The following SMARCA2 variants were observed in gnomAD, a reference collection of about 807,000 sequenced individuals.
SMARCA2 encodes SWI/SNF related BAF chromatin remodeling complex subunit ATPase 2.
SMARCA2 carries 61 observed loss-of-function variants against 199.8 expected under a neutral mutation model. That is an observed-to-expected ratio of 0.31 (90% CI 0.25 to 0.38). The LOEUF (loss-of-function observed/expected upper bound fraction) is 0.38, where lower values mean the gene tolerates loss of function less well. Ranked by LOEUF, SMARCA2 falls within the 10% of genes least tolerant of loss-of-function variation. SMARCA2 has a pLI of 1.00. For missense variants in SMARCA2, 1,344 were observed against 2,012.2 expected (o/e 0.67, Z 6.35); for synonymous variants, 935 against 732.0 (o/e 1.28, Z -4.48).
chr9:2,185,695 G>A (rs1827389591), intron 31 of SMARCA2, among the ~76,000 whole-genome samples: 1 of 152,194 alleles, frequency 6.6e-6, no homozygotes, highest in Admixed American at 6.5e-5. Context: ...GATAAACTCA[G>A]TAATAAGGAA....
intron 28 of SMARCA2, among the ~76,000 whole-genome samples, chr9:2,164,488 C>G (rs1196046747): frequency 6.6e-6 from 1 of 152,166 alleles, no homozygotes; most frequent in African/African-American, 2.4e-5. Context: ...GCGCCTGCCT[C>G]TAGAGTCCTT....
chr9:2,062,723 G>C lies in SMARCA2; in HGVS notation c.1692+1737G>C, dbSNP rs180769368. On this transcript the variant is annotated intron_variant, in intron 9 of 33. Transcript: ENST00000349721. ...CTGAACACTTACTATGAGCTAGGTCGTGTGCTAGAATGCTGGGAGAAGGAG... is the reference window on the plus strand; with the variant it reads ...CTGAACACTTACTATGAGCTAGGTCCTGTGCTAGAATGCTGGGAGAAGGAG... Among the ~76,000 whole-genome samples, 360 of 152,236 alleles carry C rather than the reference G, an allele frequency of 2.4e-3. 3 individuals carry two copies. Among genetic ancestry groups the C allele is most frequent in the African/African-American group, 8.4e-3 (350 of 41,560 alleles).
intron 27 of SMARCA2, among the ~76,000 whole-genome samples, chr9:2,151,745 T>C (rs1047168832): frequency 5.9e-5 from 9 of 151,718 alleles, no homozygotes; most frequent in African/African-American, 2.2e-4. Context: ...AAATAAAAAA[T>C]AAATGAATTA....
chr9:2,086,092 A>G lies in SMARCA2; in HGVS notation c.2527-737A>G, dbSNP rs1388702785. The stretch of plus-strand genomic sequence containing the variant: ...ATAAATACAGGAGTGATATTTTTGC[A>G]GTGCGCTTTCTGCCAGTGAGTATAT... On this transcript the variant is annotated intron_variant, in intron 17 of 33. Transcript: ENST00000349721. This position sits in a 1 kb window ranked among gnomAD's most constrained non-coding sequence, Gnocchi z 4.3. 1 of 152,244 alleles carries G rather than the reference A, an allele frequency of 6.6e-6. No homozygotes were observed. Among genetic ancestry groups the G allele is most frequent in the Non-Finnish European group, 1.5e-5 (1 of 68,070 alleles). The allele number at this position is 152,244 out of a possible 1,614,324, so 9.4% of individuals were successfully genotyped here.
Position 2,160,004 on chromosome 9 carries a change from G to A in SMARCA2, c.3982-1682G>A, listed in dbSNP as rs184542652. 207 of 1,507,898 alleles carry A rather than the reference G, an allele frequency of 1.4e-4. 1 individual carries two copies. In the East Asian group the frequency reaches 4.1e-3, roughly 30 times the overall value. 93.4% of individuals were successfully genotyped at this position (1,507,898 alleles called of 1,614,324 possible). On this transcript the variant is annotated intron_variant, in intron 27 of 33. Coordinates refer to ENST00000349721, the MANE Select transcript of SMARCA2 (RefSeq NM_003070.5). ...AACACATCAAAAGCCGGTGTTCTCC[G>A]TATTTCTGTGTGCAACTGGGTGCTT...
At chr9:2,028,883 A>G (rs1818944251) in intron 1 of SMARCA2, 104 bp from the exon 2 acceptor site, 2 of 934,226 alleles carry the variant, frequency 2.1e-6, no homozygotes, top group Admixed American at 2.6e-5. Context: ...GCTCTGTTTG[A>G]TGTTTGTTAC....
At chr9:2,072,320 C>T (rs1157050913) in intron 10 of SMARCA2, among the ~76,000 whole-genome samples, 3 of 152,316 alleles carry the variant, frequency 2.0e-5, no homozygotes, top group East Asian at 3.9e-4. Flanking sequence ...CTTAGAAGTA[C>T]AGATCACCCT....
intron 27 of SMARCA2, among the ~76,000 whole-genome samples, chr9:2,145,613 C>A (rs1273258466): frequency 6.6e-6 from 1 of 152,106 alleles, no homozygotes; most frequent in African/African-American, 2.4e-5. Context: ...AGAGTTTATC[C>A]TTTAGTACTT....
chr9:2,183,184 T>C (rs1479435337), intron 31 of SMARCA2, among the ~76,000 whole-genome samples: 3 of 152,228 alleles, frequency 2.0e-5, no homozygotes, highest in Admixed American at 2.0e-4. Flanking sequence ...TTTTTGGAGA[T>C]TGTATATTTG....
At chr9:2,033,190 AC>A in intron 3 of SMARCA2, 109 bp downstream of exon 3, 1 of 1,239,248 alleles carries the variant, frequency 8.1e-7, no homozygotes. Flanking sequence ...GGAAGGTTGA[AC>A]CTAGTAGGTT....
At chr9:2,015,978 G>C (rs1818337673) in intron 1 of SMARCA2, 1 of 152,662 alleles carries the variant, frequency 6.6e-6, no homozygotes, top group Admixed American at 6.5e-5. Context: ...GAACGGGAAA[G>C]GAGGGCGGGG....
At chr9:2,127,470 C>T (rs1823746841) in intron 27 of SMARCA2, among the ~76,000 whole-genome samples, 1 of 152,136 alleles carries the variant, frequency 6.6e-6, no homozygotes, top group African/African-American at 2.4e-5. Context: ...GGTAGGTATA[C>T]CTGATTGGTG....
chr9:2,040,407 A>G (rs1390593886), intron 4 of SMARCA2: 3 of 164,240 alleles, frequency 1.8e-5, no homozygotes, highest in African/African-American at 7.1e-5. Context: ...AAGGGAAAAT[A>G]GAAAAAAAAG....
In SMARCA2 at chr9:2,191,419, C is replaced by G. The variant is rs200648786; in HGVS notation, c.4737+11C>G. ...GAGCAGGATGAACGTGTAAGTGTAG[C>G]CGACTGGGACTGAAGGCGGAGACGC... On this transcript the variant is annotated intron_variant, in intron 33 of 33. Transcript: ENST00000349721. The G allele has an allele frequency of 3.2e-5, 51 of 1,613,726 alleles. No homozygotes were observed. In the African/African-American group the frequency reaches 6.1e-4, roughly 19 times the overall value.
At chr9:2,155,540 C>CA (rs1321635565) in intron 27 of SMARCA2, among the ~76,000 whole-genome samples, 2 of 152,090 alleles carry the variant, frequency 1.3e-5, no homozygotes, top group African/African-American at 4.8e-5. Context: ...CTTGGCCTCC[C>CA]AAAGTGCTGG....
chr9:2,054,899 A>T (rs1271351532), intron 6 of SMARCA2, among the ~76,000 whole-genome samples, 176 bp downstream of exon 6: 1 of 152,236 alleles, frequency 6.6e-6, no homozygotes, highest in African/African-American at 2.4e-5. Flanking sequence ...GATGAAGATG[A>T]ACTGCTTATT....
chr9:2,178,925 T>C (rs1826813645), intron 29 of SMARCA2, among the ~76,000 whole-genome samples: 1 of 152,084 alleles, frequency 6.6e-6, no homozygotes, highest in African/African-American at 2.4e-5. Context: ...CCCCACCCTG[T>C]AGGGAGGAGA....
At chr9:2,061,682 C>T (rs975718216) in intron 9 of SMARCA2, among the ~76,000 whole-genome samples, 5 of 152,194 alleles carry the variant, frequency 3.3e-5, no homozygotes, top group African/African-American at 1.2e-4. Flanking sequence ...GTGGTTGATA[C>T]TGTGTGTTCA....
In SMARCA2 at chr9:2,081,865, A is replaced by T; in HGVS notation, c.2218A>T (p.Asn740Tyr). 6.2e-7 allele frequency: 1 copy of T among 1,614,152 alleles called. No homozygotes were observed. Among genetic ancestry groups the T allele is most frequent in the Non-Finnish European group, 8.5e-7 (1 of 1,180,010 alleles). The change falls in exon 15 of 34, where the codon AAT becomes TAT. Residue 740 changes from asparagine to tyrosine, a missense_variant. By Grantham distance (143) the Asn-to-Tyr change is moderately radical (BLOSUM62 -2). Around this residue, in one of 18 missense-constraint regions of SMARCA2, gnomAD observed 106 missense variants for 179.7 expected, o/e 0.59. Coordinates refer to ENST00000349721, the MANE Select transcript of SMARCA2 (RefSeq NM_003070.5). ...CCTGGAATGGATGGTTTCCCTGTAT[A>T]ATAACAACTTGAACGGAATCTTAGC... ...QGLEWMVSLY[N>Y]NNLNGILADE...
Sources: gnomAD v4.1 joint callset for allele counts (sites outside exome capture counted in the v4.1 genomes callset) on GRCh38, gnomAD v4.1.1 for gene constraint, gnomAD v4.1.1 regional missense constraint, Gnocchi (gnomAD v3.1) non-coding constraint, MANE v1.5 for transcripts, NCBI Gene and HGNC (gene_info 2026-07-23, HGNC 2026-07-21) for gene names.